PLCG2: variants seen among roughly 807,000 people sequenced by gnomAD.
The protein encoded by PLCG2 is 1-phosphatidylinositol 4,5-bisphosphate phosphodiesterase gamma-2.
In PLCG2, 69 loss-of-function variants were observed where a neutral mutation model predicts 175.6. The observed-to-expected ratio is 0.39, with a 90% confidence interval of 0.32 to 0.48. The LOEUF (loss-of-function observed/expected upper bound fraction) is 0.48. Among genes scored for constraint, PLCG2 ranks in the 20% least tolerant of loss-of-function variants. PLCG2 has a pLI of 0.91. For missense variants in PLCG2, 1,798 were observed against 1,650.9 expected (o/e 1.09, Z -1.54); for synonymous variants, 827 against 624.0 (o/e 1.33, Z -4.85).
At chr16:81,827,675 G>C (rs953250851) in intron 2 of PLCG2, among the ~76,000 whole-genome samples, 7 of 152,172 alleles carry the variant, frequency 4.6e-5, no homozygotes, top group Non-Finnish European at 1.0e-4. Context: ...GGTTAACGGG[G>C]AGTCAGTGCA....
chr16:81,863,429 T>A (rs1436866379), intron 5 of PLCG2, among the ~76,000 whole-genome samples: 1 of 152,262 alleles, frequency 6.6e-6, no homozygotes, highest in African/African-American at 2.4e-5. Flanking sequence ...ATAGACCACA[T>A]TTTGCTTATC....
intron 20 of PLCG2, 59 bp downstream of exon 20, chr16:81,919,723 C>T (rs1909985280): frequency 1.4e-6 from 2 of 1,440,756 alleles, no homozygotes; most frequent in Non-Finnish European, 1.9e-6. Context: ...TGTAACTCAT[C>T]TGTTCATGAA....
intron 19 of PLCG2, among the ~76,000 whole-genome samples, chr16:81,915,093 G>A (rs1233485513): frequency 6.6e-6 from 1 of 152,208 alleles, no homozygotes; most frequent in Non-Finnish European, 1.5e-5. Flanking sequence ...AAGCACTGAG[G>A]AGGTTTGAGC....
At chr16:81,928,661 C>T in intron 24 of PLCG2, 37 bp downstream of exon 24, 1 of 1,437,612 alleles carries the variant, frequency 7.0e-7, no homozygotes, top group South Asian at 1.1e-5. Flanking sequence ...GATTTCCACC[C>T]CTATCCCCCA....
chr16:81,859,530 C>A (rs1299740845), intron 5 of PLCG2, among the ~76,000 whole-genome samples: 1 of 150,586 alleles, frequency 6.6e-6, no homozygotes, highest in African/African-American at 2.4e-5. Context: ...AAGAAGTAAA[C>A]CAGGTGGTTC....
At chr16:81,812,924 A>C (rs1306280310) in intron 2 of PLCG2, among the ~76,000 whole-genome samples, 1 of 152,196 alleles carries the variant, frequency 6.6e-6, no homozygotes, top group Non-Finnish European at 1.5e-5. Flanking sequence ...CCATTTATTA[A>C]GTAGGGAATC....
upstream of PLCG2, among the ~76,000 whole-genome samples, chr16:81,778,090 C>T (rs185534731): frequency 7.0e-4 from 86 of 122,194 alleles, 1 homozygote; most frequent in Non-Finnish European, 9.6e-4. Flanking sequence ...ACAAAAAAAA[C>T]GCTATAACAG....
chr16:81,854,307 CCAGACG>C (rs1208561127), intron 2 of PLCG2, 131 bp from the exon 3 acceptor site: 7 of 772,210 alleles, frequency 9.1e-6, no homozygotes, highest in Admixed American at 2.2e-5. Context: ...GACACTGAGT[CCAGACG>C]CAGAGATAGC....
At chr16:81,914,729 G>C (rs1217099953) in intron 19 of PLCG2, among the ~76,000 whole-genome samples, 1 of 152,198 alleles carries the variant, frequency 6.6e-6, no homozygotes, top group Non-Finnish European at 1.5e-5. Flanking sequence ...CTTACTCCAA[G>C]TGTTTCTTGC....
intron 9 of PLCG2, among the ~76,000 whole-genome samples, chr16:81,886,427 A>G (rs954082233): frequency 3.3e-5 from 5 of 152,186 alleles, no homozygotes; most frequent in Admixed American, 3.3e-4. Context: ...TCTAGAAAAC[A>G]CTTTGGCTGT....
chr16:81,850,304 G>A (rs375240946), intron 2 of PLCG2, among the ~76,000 whole-genome samples: 37 of 152,148 alleles, frequency 2.4e-4, no homozygotes, highest in Non-Finnish European at 4.7e-4. Flanking sequence ...ATTTTGGGGT[G>A]CAACATCATG....
intron 9 of PLCG2, among the ~76,000 whole-genome samples, chr16:81,887,784 A>G (rs1354733165): frequency 6.6e-6 from 1 of 152,226 alleles, no homozygotes; most frequent in East Asian, 1.9e-4. Flanking sequence ...TTGAATTTAC[A>G]TGTCATATTT....
At chr16:81,938,021 G>A (rs896999037) in intron 28 of PLCG2, 118 bp downstream of exon 28, 4 of 858,876 alleles carry the variant, frequency 4.7e-6, no homozygotes, top group South Asian at 3.4e-5. Flanking sequence ...TTGTTTAAAC[G>A]ATCCCCATTC....
intron 2 of PLCG2, among the ~76,000 whole-genome samples, chr16:81,819,036 T>C (rs1904678720): frequency 6.6e-6 from 1 of 152,002 alleles, no homozygotes; most frequent in Non-Finnish European, 1.5e-5. Context: ...CTCCTTCAAT[T>C]TGCAGAGGAA....
At chr16:81,768,319 G>C (rs2143103354) in intron 2 of PLCG2, among the ~76,000 whole-genome samples, 1 of 152,262 alleles carries the variant, frequency 6.6e-6, no homozygotes, top group Non-Finnish European at 1.5e-5. Flanking sequence ...AGGACATTTG[G>C]GTTGTTTCCA....
intron 2 of PLCG2, among the ~76,000 whole-genome samples, chr16:81,767,233 T>C (rs981656069): frequency 8.8e-5 from 13 of 148,432 alleles, no homozygotes; most frequent in Non-Finnish European, 3.0e-5. Flanking sequence ...CAACTTCTGC[T>C]TCCTGGGTTC....
chr16:81,768,636 G>T (rs983177454), intron 2 of PLCG2, among the ~76,000 whole-genome samples: 1 of 138,204 alleles, frequency 7.2e-6, no homozygotes, highest in East Asian at 2.3e-4. Context: ...TGCGATCTCA[G>T]CTCACTGCAA....
intron 14 of PLCG2, among the ~76,000 whole-genome samples, chr16:81,901,904 T>C (rs767282442): frequency 1.6e-4 from 24 of 152,254 alleles, no homozygotes; most frequent in Non-Finnish European, 2.6e-4. Context: ...TTTGTAATTT[T>C]ATGCATTATT....
intron 2 of PLCG2, among the ~76,000 whole-genome samples, chr16:81,848,641 A>G (rs1906244914): frequency 6.6e-6 from 1 of 151,960 alleles, no homozygotes; most frequent in Admixed American, 6.6e-5. Context: ...CTCAGTCATC[A>G]GTAATTTGAT....
Sources: gnomAD v4.1 joint callset for allele counts (sites outside exome capture counted in the v4.1 genomes callset) on GRCh38, gnomAD v4.1.1 for gene constraint, MANE v1.5 for transcripts, NCBI Gene and HGNC (gene_info 2026-07-23, HGNC 2026-07-21) for gene names.